Variants in PTPRQ observed in about 807,000 individuals in gnomAD.
The protein encoded by PTPRQ is phosphatidylinositol phosphatase PTPRQ.
Under a neutral mutation model 246.0 loss-of-function variants are expected in PTPRQ, and 199 were observed. The observed-to-expected ratio is 0.81, with a 90% CI of 0.72 to 0.91. The LOEUF (loss-of-function observed/expected upper bound fraction) is 0.91, where lower values mean the gene tolerates loss of function less well. Among genes scored for constraint, PTPRQ ranks in the 40% least tolerant of loss-of-function variants. The probability of loss-of-function intolerance (pLI) is 0.00; values close to 1 mark genes in which losing one functional copy is unlikely to be tolerated. For missense variants in PTPRQ, 2,624 were observed against 2,528.4 expected (o/e 1.04, Z -0.81); for synonymous variants, 869 against 853.2 (o/e 1.02, Z -0.32).
chr12:80,551,699 C>T (rs1006231392), intron 25 of PTPRQ, among the ~76,000 whole-genome samples: 9 of 152,092 alleles, frequency 5.9e-5, no homozygotes, highest in African/African-American at 1.7e-4. Flanking sequence ...CAGAATCCAT[C>T]GCTAATTAGA....
In PTPRQ at chr12:80,542,345, C is replaced by A. The variant is rs746376744; in HGVS notation, c.3702C>A (p.Phe1234Leu). Residue 1234 changes from phenylalanine to leucine, a missense_variant, in exon 22 of 45, where the codon TTC becomes TTA. By Grantham distance (22) the Phe-to-Leu change is conservative. Transcript: ENST00000644991. ...GACTTGGTCCTTCCAGTATTCTTTT[C>A]TTTTACACAGATGAGTCAGGTAAGC... ...RKGLGPSSIL[F>L]FYTDESVPLA... 3 of 1,541,230 alleles carry A rather than the reference C, an allele frequency of 1.9e-6. No individual in the cohort carries two copies. The highest frequency in any genetic ancestry group is 2.6e-6 in the Non-Finnish European group (3 of 1,144,696).
chr12:80,583,672 T>C (rs1470005634), intron 25 of PTPRQ: 1 of 152,290 alleles, frequency 6.6e-6, no homozygotes, highest in Non-Finnish European at 1.5e-5. Context: ...GTGTAACAAA[T>C]TATCACAAAC....
chr12:80,654,015 CT>C (rs966325772), intron 38 of PTPRQ, among the ~76,000 whole-genome samples: 11 of 151,592 alleles, frequency 7.3e-5, no homozygotes, highest in South Asian at 2.1e-4. Flanking sequence ...TTCTTTCTTT[CT>C]TTTTTTCTTT....
intron 9 of PTPRQ, among the ~76,000 whole-genome samples, chr12:80,489,802 A>T (rs944820596): frequency 3.9e-5 from 6 of 151,996 alleles, no homozygotes; most frequent in Admixed American, 3.9e-4. Context: ...ATTTCCGTGG[A>T]CTGCTCTTTG....
chr12:80,620,297 G>C lies in PTPRQ; in HGVS notation c.5533G>C (p.Gly1845Arg), dbSNP rs1898930904. The C allele has an allele frequency of 1.3e-6, 2 of 1,549,544 alleles. No homozygotes were observed. The highest frequency in any genetic ancestry group is 1.7e-6 in the Non-Finnish European group (2 of 1,145,572). Residue 1845 changes from glycine (G) to arginine (R), a missense_variant, in exon 32 of 45, where the codon GGT (glycine) becomes CGT (arginine). By Grantham distance (125) the Gly-to-Arg change is moderately radical. Transcript: ENST00000644991. ...FSGNEEIYII[G>R]ADNACMIPGN... Reference sequence around the variant, plus strand: ...TGGCAATGAAGAAATCTACATCATAGGTGCTGATAATGCATGCATGATTCC... The same window carrying C: ...TGGCAATGAAGAAATCTACATCATACGTGCTGATAATGCATGCATGATTCC...
chr12:80,675,295 C>CTT (rs1565854076), intron 43 of PTPRQ, among the ~76,000 whole-genome samples: 1 of 152,146 alleles, frequency 6.6e-6, no homozygotes. Flanking sequence ...TGTAGTGGAA[C>CTT]TTTACATTTT....
chr12:80,633,752 A>C (rs2121173691), intron 34 of PTPRQ, among the ~76,000 whole-genome samples: 1 of 152,356 alleles, frequency 6.6e-6, no homozygotes, highest in Non-Finnish European at 1.5e-5. Flanking sequence ...CATTCGAGGC[A>C]CTTTGAATGC....
At chr12:80,505,849 T>C (rs2120695293) in intron 14 of PTPRQ, among the ~76,000 whole-genome samples, 175 bp from the exon 15 acceptor site, 1 of 152,080 alleles carries the variant, frequency 6.6e-6, no homozygotes, top group Admixed American at 6.6e-5. Context: ...ATTTTTCTTA[T>C]ACAGTTGTAA....
In PTPRQ at chr12:80,452,860, C is replaced by T. The variant is rs899178373; in HGVS notation, c.391-4715C>T. ...TTATGTGTCTTGGAGTCGCTCTTCT[C>T]GAGGAGTATCTTTGTAGCGTTCTCT... On this transcript the variant is annotated intron_variant, in intron 3 of 44. Transcript: ENST00000644991. 5.3e-5 allele frequency among the ~76,000 whole-genome samples: 8 copies of T among 152,146 alleles called. No homozygotes were observed. In the South Asian group the frequency reaches 6.2e-4, roughly 12 times the overall value.
At chr12:80,512,927 C>G (rs4394893) in intron 17 of PTPRQ, 136,409 of 151,988 alleles carry the variant, frequency 0.9, 61,789 homozygotes, top group Non-Finnish European at 0.93. Flanking sequence ...GGCGTGCGAC[C>G]GGGGTGTGTC....
rs528442987 is a variant in PTPRQ at position 80,592,785 on chromosome 12, G to A, written c.4609+4333G>A. ...AGCACTTTGGGAGGCTGATGCGGGC[G>A]GATCATTTGAGGTCAGGAATTTGAA... On this transcript the variant is annotated intron_variant, in intron 26 of 44. Coordinates refer to ENST00000644991, the MANE Select transcript of PTPRQ (RefSeq NM_001145026.2). 9.9e-5 allele frequency among the ~76,000 whole-genome samples: 15 copies of A among 152,154 alleles called. No individual in the cohort carries two copies. The South Asian group carries it at 2.3e-3, about 23-fold the overall frequency.
intron 14 of PTPRQ, among the ~76,000 whole-genome samples, chr12:80,498,577 G>A (rs993591798): frequency 1.3e-5 from 2 of 152,050 alleles, no homozygotes; most frequent in Non-Finnish European, 2.9e-5. Context: ...CCATCTGACT[G>A]TAAAACCCAT....
At chr12:80,517,475 C>T (rs891635363) in intron 17 of PTPRQ, among the ~76,000 whole-genome samples, 3 of 152,006 alleles carry the variant, frequency 2.0e-5, no homozygotes, top group Non-Finnish European at 4.4e-5. Flanking sequence ...GGTATCCATC[C>T]CCTCAAGCAT....
At chr12:80,481,193 A>T (rs1894037805) in intron 8 of PTPRQ, among the ~76,000 whole-genome samples, 1 of 152,236 alleles carries the variant, frequency 6.6e-6, no homozygotes, top group Non-Finnish European at 1.5e-5. Flanking sequence ...AGTGGGCTTC[A>T]TCCCTGGGAT....
chr12:80,624,769 T>C (rs1210144209), intron 33 of PTPRQ, among the ~76,000 whole-genome samples: 2 of 152,162 alleles, frequency 1.3e-5, no homozygotes, highest in East Asian at 1.9e-4. Context: ...CCTGGTCCAT[T>C]TGACATTGAT....
At chr12:80,525,096 G>T (rs951852556) in intron 17 of PTPRQ, among the ~76,000 whole-genome samples, 1 of 152,094 alleles carries the variant, frequency 6.6e-6, no homozygotes, top group African/African-American at 2.4e-5. Flanking sequence ...ATGACAGAAT[G>T]ATAATTACAC....
chr12:80,633,049 T>C (rs1263904273), intron 34 of PTPRQ, among the ~76,000 whole-genome samples: 1 of 152,098 alleles, frequency 6.6e-6, no homozygotes, highest in Non-Finnish European at 1.5e-5. Flanking sequence ...TCTAGTGCCC[T>C]CTATTGACAA....
chr12:80,523,085 G>A (rs145825659), intron 17 of PTPRQ, among the ~76,000 whole-genome samples: 7,921 of 152,128 alleles, frequency 0.052, 510 homozygotes, highest in African/African-American at 0.14. Flanking sequence ...TCCTGGTTTA[G>A]TCTTGGGAGG....
intron 34 of PTPRQ, among the ~76,000 whole-genome samples, chr12:80,632,952 G>C (rs923312615): frequency 6.6e-6 from 1 of 152,170 alleles, no homozygotes; most frequent in Non-Finnish European, 1.5e-5. Context: ...CAAGTGAGCT[G>C]CTGGGCTCTC....
Sources: allele counts gnomAD v4.1 joint callset (sites outside exome capture counted in the v4.1 genomes callset), GRCh38; gene constraint gnomAD v4.1.1; transcripts MANE v1.5; gene names NCBI Gene and HGNC (gene_info 2026-07-23, HGNC 2026-07-21).